CACNA1C: variants seen among roughly 807,000 people sequenced by gnomAD.
The protein encoded by CACNA1C is calcium voltage-gated channel subunit alpha1 C.
A neutral mutation model predicts 229.0 loss-of-function variants in CACNA1C; 30 were observed. That is an observed-to-expected ratio of 0.13 (90% CI 0.10 to 0.18). CACNA1C has a LOEUF of 0.18. CACNA1C is among the 10% of genes least tolerant of loss of function. The probability of loss-of-function intolerance (pLI) is 1.00; values close to 1 mark genes in which losing one functional copy is unlikely to be tolerated. For missense variants in CACNA1C, 1,658 were observed against 2,845.0 expected, an observed-to-expected ratio of 0.58 and a Z score of 9.49; for synonymous variants, 1,114 against 1,132.5, an observed-to-expected ratio of 0.98 and a Z score of 0.33.
chr12:2,398,271 C>A (rs894942254), intron 3 of CACNA1C, among the ~76,000 whole-genome samples: 3 of 152,254 alleles, frequency 2.0e-5, no homozygotes, highest in African/African-American at 7.2e-5. Flanking sequence ...ATCCCTCACA[C>A]CTTCTTTGAG....
intron 3 of CACNA1C, among the ~76,000 whole-genome samples, chr12:2,255,726 A>G (rs1007007120): frequency 1.3e-5 from 2 of 151,826 alleles, no homozygotes; most frequent in African/African-American, 4.8e-5. Context: ...GACAGATAAT[A>G]AGCTTTATTG....
At chr12:2,001,839 A>AC in intron 1 of CACNA1C, among the ~76,000 whole-genome samples, 1 of 152,352 alleles carries the variant, frequency 6.6e-6, no homozygotes, top group Non-Finnish European at 1.5e-5. Context: ...TATAGATGTC[A>AC]CAACACTCTT....
chr12:2,390,195 A>G (rs2098459138), intron 3 of CACNA1C, among the ~76,000 whole-genome samples: 1 of 152,128 alleles, frequency 6.6e-6, no homozygotes, highest in Non-Finnish European at 1.5e-5. Flanking sequence ...CGACCATGTA[A>G]TTTTGCATTC....
Position 2,611,557 on chromosome 12 carries a change from G to A in CACNA1C, c.3718-346G>A, listed in dbSNP as rs781769196. Among the ~76,000 whole-genome samples, 61 of 152,216 alleles carry A rather than the reference G, an allele frequency of 4.0e-4. 1 individual carries two copies. The highest frequency in any genetic ancestry group is 1.0e-3 in the Admixed American group (16 of 15,300). On this transcript the variant is annotated intron_variant, in intron 28 of 46. Transcript: ENST00000399655. ...AGGGAGGGATGAGCTGGACGCATTC[G>A]TTGTCGGTAAGGTGTGGCGTGTGGA...
chr12:2,396,928 TTCTTGG>T (rs2098594724), intron 3 of CACNA1C, among the ~76,000 whole-genome samples: 1 of 152,254 alleles, frequency 6.6e-6, no homozygotes, highest in Non-Finnish European at 1.5e-5. Context: ...TCTCAGCTCT[TTCTTGG>T]TCTGGATACT....
At chr12:2,484,632 A>AC (rs1351604317) in intron 5 of CACNA1C, among the ~76,000 whole-genome samples, 1 of 151,798 alleles carries the variant, frequency 6.6e-6, no homozygotes, top group Non-Finnish European at 1.5e-5. Context: ...CCGTCGAGAC[A>AC]CCCCTTCATG....
intron 1 of CACNA1C, chr12:1,992,723 C>T (rs971759686): frequency 1.2e-5 from 2 of 168,380 alleles, no homozygotes; most frequent in Non-Finnish European, 1.3e-5. Context: ...TTACCTACTA[C>T]GACTTCCACA....
At chr12:2,436,155 G>A (rs1030027739) in intron 3 of CACNA1C, among the ~76,000 whole-genome samples, 2 of 152,196 alleles carry the variant, frequency 1.3e-5, no homozygotes, top group South Asian at 2.1e-4. Context: ...AGAGAAGCTG[G>A]GTCCTGATGA....
At chr12:2,456,423 T>TC (rs1226823506) in intron 4 of CACNA1C, among the ~76,000 whole-genome samples, 1 of 152,176 alleles carries the variant, frequency 6.6e-6, no homozygotes, top group Non-Finnish European at 1.5e-5. Context: ...CTGCTCAAAG[T>TC]CCCCCAATGG....
At chr12:2,267,505 C>T (rs1337679264) in intron 3 of CACNA1C, among the ~76,000 whole-genome samples, 1 of 152,122 alleles carries the variant, frequency 6.6e-6, no homozygotes, top group African/African-American at 2.4e-5. Context: ...GCCGGATTCA[C>T]CATCTGCCCC....
chr12:2,518,377 G>A (rs1370031007), intron 9 of CACNA1C, among the ~76,000 whole-genome samples: 1 of 152,182 alleles, frequency 6.6e-6, no homozygotes, highest in Admixed American at 6.5e-5. Flanking sequence ...GGGAGGCCGA[G>A]GCGGGTGGAT....
chr12:2,476,922 C>A (rs769319846), intron 5 of CACNA1C, among the ~76,000 whole-genome samples: 2 of 152,238 alleles, frequency 1.3e-5, no homozygotes, highest in Non-Finnish European at 2.9e-5. Flanking sequence ...GGCAATAGTT[C>A]TTTCCCCGTT....
At position 2,086,874 on chromosome 12, in the gene CACNA1C, G is replaced by A. The variant is rs192321011; in HGVS notation, c.50-28350G>A. Among the ~76,000 whole-genome samples the A allele has an allele frequency of 2.8e-3, 424 of 152,306 alleles. 3 individuals are homozygous for A. Among genetic ancestry groups the A allele is most frequent in the Non-Finnish European group, 2.9e-3 (197 of 68,028 alleles). On this transcript the variant is annotated intron_variant, in intron 1 of 46. Transcript: ENST00000399655. The stretch of plus-strand genomic sequence containing the variant: ...CATATGGTCATGTCTGACTGCCACG[G>A]CAGCTGGAAAATGTAGGCTAGCTGT...
intron 2 of CACNA1C, among the ~76,000 whole-genome samples, chr12:2,118,582 A>G (rs1015369180): frequency 1.3e-5 from 2 of 152,188 alleles, no homozygotes; most frequent in Non-Finnish European, 1.5e-5. Context: ...TCTCATTTAG[A>G]AAGTGGGGAT....
At chr12:2,457,453 G>A in intron 4 of CACNA1C, 114 bp from the exon 5 acceptor site, 1 of 1,130,348 alleles carries the variant, frequency 8.8e-7, no homozygotes, top group Non-Finnish European at 1.3e-6. Flanking sequence ...GCCCGCCCCT[G>A]GGCTGGAGAC....
intron 30 of CACNA1C, among the ~76,000 whole-genome samples, chr12:2,648,118 A>G (rs563822426): frequency 6.6e-6 from 1 of 152,324 alleles, no homozygotes; most frequent in Admixed American, 6.5e-5. Flanking sequence ...AGCCTGGGCA[A>G]CAGAGCTGAG....
At chr12:2,377,195 A>G (rs911106798) in intron 3 of CACNA1C, among the ~76,000 whole-genome samples, 1 of 152,176 alleles carries the variant, frequency 6.6e-6, no homozygotes, top group African/African-American at 2.4e-5. Flanking sequence ...GCATTTAAAC[A>G]CCAGCATGAG....
In CACNA1C at chr12:2,108,755, C is replaced by T. The variant is rs1258165195; in HGVS notation, c.50-6469C>T. Among the ~76,000 whole-genome samples the T allele has an allele frequency of 6.6e-6, 1 of 152,198 alleles. No individual in the cohort carries two copies. Among genetic ancestry groups the T allele is most frequent in the African/African-American group, 2.4e-5 (1 of 41,442 alleles). On this transcript the variant is annotated intron_variant, in intron 1 of 46. Coordinates refer to ENST00000399655, the MANE Select transcript of CACNA1C (RefSeq NM_000719.7). The surrounding 1 kb of genome is among the most constrained non-coding windows in gnomAD (Gnocchi z 5.3). ...TCGTCTGAGATCGAGAGACGGTGTCCTCTCTGTTCACGTCCTCCAGCTATC... is the reference window on the plus strand; with the variant it reads ...TCGTCTGAGATCGAGAGACGGTGTCTTCTCTGTTCACGTCCTCCAGCTATC...
intron 3 of CACNA1C, among the ~76,000 whole-genome samples, chr12:2,367,407 G>A (rs1260023776): frequency 9.9e-5 from 15 of 152,144 alleles, no homozygotes; most frequent in Admixed American, 9.8e-4. Flanking sequence ...CAAAAAATGA[G>A]AAAGTAAACA....
Sources: allele counts gnomAD v4.1 joint callset (sites outside exome capture counted in the v4.1 genomes callset), GRCh38; gene constraint gnomAD v4.1.1; non-coding constraint Gnocchi (gnomAD v3.1); transcripts MANE v1.5; gene names NCBI Gene and HGNC (gene_info 2026-07-23, HGNC 2026-07-21).